HIPK3: variants seen among roughly 807,000 people sequenced by gnomAD.
HIPK3 encodes homeodomain-interacting protein kinase 3.
HIPK3 carries 47 observed loss-of-function variants against 124.2 expected under a neutral mutation model. The ratio of observed to expected loss-of-function variants is 0.38; its 90% CI spans 0.30 to 0.48. The LOEUF is 0.48. HIPK3 is among the 20% of genes least tolerant of loss of function. HIPK3 has a pLI of 0.98. For missense variants in HIPK3, 1,286 were observed against 1,454.3 expected, an observed-to-expected ratio of 0.88 and a Z score of 1.88; for synonymous variants, 482 against 515.2, an observed-to-expected ratio of 0.94 and a Z score of 0.87.
intron 1 of HIPK3, among the ~76,000 whole-genome samples, chr11:33,285,958 G>A (rs1157684403): frequency 1.3e-5 from 2 of 152,038 alleles, no homozygotes; most frequent in East Asian, 3.9e-4. Context: ...TATTAGTAGA[G>A]TTGGGATTTC....
chr11:33,277,091 T>C (rs114959103), intron 1 of HIPK3, among the ~76,000 whole-genome samples: 1 of 152,334 alleles, frequency 6.6e-6, no homozygotes, highest in Non-Finnish European at 1.5e-5. Flanking sequence ...TATTTAAAAA[T>C]TAATGTAAAC....
chr11:33,348,961 G>A (rs1853579790), intron 13 of HIPK3, 143 bp downstream of exon 13: 2 of 917,602 alleles, frequency 2.2e-6, no homozygotes, highest in African/African-American at 3.3e-5. Context: ...TCTAGACAGG[G>A]AACTTTCTAA....
rs191552181 is a variant in HIPK3 at position 33,281,365 on chromosome 11, T to G, written c.-2-5048T>G. Reference sequence around the variant, plus strand: ...AACTCCAATATACCCATCATCAGGCTTCTGTAAATAACAGTTTATGACTCA... The same window carrying G: ...AACTCCAATATACCCATCATCAGGCGTCTGTAAATAACAGTTTATGACTCA... On this transcript the variant is annotated intron_variant, in intron 1 of 16. Transcript: ENST00000303296. 1.9e-4 allele frequency among the ~76,000 whole-genome samples: 29 copies of G among 152,328 alleles called. No individual in the cohort carries two copies. In the East Asian group the frequency reaches 5.6e-3, roughly 29 times the overall value.
At position 33,328,985 on chromosome 11, in the gene HIPK3, C is replaced by G. The variant is rs186884310; in HGVS notation, c.1221+352C>G. Among the ~76,000 whole-genome samples the G allele has an allele frequency of 3.8e-4, 58 of 152,206 alleles. 1 individual carries two copies. The East Asian group carries it at 7.7e-3, about 20-fold the overall frequency. ...CAGCCCCTCCCAAGGCATAAAAGCT[C>G]CTAAAAGGCGTTATAACTTTTGGTC... On this transcript the variant is annotated intron_variant, in intron 3 of 16. Transcript: ENST00000303296.
Position 33,257,389 on chromosome 11 carries a change from C to G in HIPK3, c.-503C>G. 1.0e-6 allele frequency: 1 copy of G among 985,088 alleles called. No homozygotes were observed. Among genetic ancestry groups the G allele is most frequent in the Non-Finnish European group, 1.2e-6 (1 of 829,780 alleles). The allele number at this position is 985,088 out of a possible 1,614,324, so 61.0% of individuals were successfully genotyped here. Reference sequence around the variant, plus strand: ...CCGAGGCTGGGGCGGCTGGTGGCAGCTGCCTCAGTGACGACTGCCGGCATC... The same window carrying G: ...CCGAGGCTGGGGCGGCTGGTGGCAGGTGCCTCAGTGACGACTGCCGGCATC... On this transcript the variant is annotated 5_prime_UTR_variant, in exon 1 of 17. Coordinates refer to ENST00000303296, the MANE Select transcript of HIPK3 (RefSeq NM_005734.5).
chr11:33,257,325 G>A (rs1850690797), upstream of HIPK3: 4 of 983,904 alleles, frequency 4.1e-6, no homozygotes, highest in South Asian at 1.4e-4. Context: ...GTGGCGCTGC[G>A]GAGGCGGTGG....
chr11:33,304,960 C>G (rs1852111856), intron 2 of HIPK3, among the ~76,000 whole-genome samples: 1 of 152,202 alleles, frequency 6.6e-6, no homozygotes, highest in Non-Finnish European at 1.5e-5. Context: ...TATTTCTGGT[C>G]TTTCACATTA....
chr11:33,313,455 A>T (rs764221672), intron 2 of HIPK3, among the ~76,000 whole-genome samples: 12 of 152,218 alleles, frequency 7.9e-5, no homozygotes, highest in Non-Finnish European at 1.6e-4. Flanking sequence ...ATTTAGAAGT[A>T]AAGGGGTACA....
At chr11:33,318,225 A>AT (rs1000187429) in intron 2 of HIPK3, among the ~76,000 whole-genome samples, 7 of 151,826 alleles carry the variant, frequency 4.6e-5, no homozygotes, top group African/African-American at 9.7e-5. Context: ...TTTTTCTTAA[A>AT]TTTTTTTTAT....
chr11:33,284,714 C>T (rs1851502966), intron 1 of HIPK3, among the ~76,000 whole-genome samples: 1 of 152,186 alleles, frequency 6.6e-6, no homozygotes, highest in South Asian at 2.1e-4. Flanking sequence ...CTGTATCTGG[C>T]TTCTCAGCTT....
intron 1 of HIPK3, among the ~76,000 whole-genome samples, chr11:33,271,215 T>C (rs184019519): frequency 4.6e-5 from 7 of 152,338 alleles, no homozygotes; most frequent in African/African-American, 1.7e-4. Flanking sequence ...TATTTCATCA[T>C]GTATAGTGAA....
intron 1 of HIPK3, among the ~76,000 whole-genome samples, chr11:33,273,533 A>G (rs1039903326): frequency 2.0e-5 from 3 of 150,984 alleles, no homozygotes; most frequent in African/African-American, 7.3e-5. Context: ...AAAAAAAAAA[A>G]AAAAAGAAGA....
chr11:33,327,942 A>C (rs540958849), intron 2 of HIPK3, among the ~76,000 whole-genome samples: 42 of 152,292 alleles, frequency 2.8e-4, no homozygotes, highest in African/African-American at 9.6e-4. Context: ...CTTTTTAACT[A>C]TGTTGTTATA....
intron 2 of HIPK3, among the ~76,000 whole-genome samples, chr11:33,299,636 TCTC>T (rs1198263833): frequency 6.6e-6 from 1 of 152,136 alleles, no homozygotes; most frequent in Non-Finnish European, 1.5e-5. Flanking sequence ...TGAAAGAAGT[TCTC>T]CTGTGGGTAA....
intron 1 of HIPK3, among the ~76,000 whole-genome samples, chr11:33,272,742 G>T (rs577301463): frequency 1.0e-3 from 44 of 43,688 alleles, no homozygotes; most frequent in African/African-American, 3.6e-3. Context: ...GTGCAATCTC[G>T]GCCTTTCCTC....
At chr11:33,332,056 G>A (rs760192795) in intron 3 of HIPK3, among the ~76,000 whole-genome samples, 2 of 152,106 alleles carry the variant, frequency 1.3e-5, no homozygotes, top group Non-Finnish European at 1.5e-5. Context: ...ACCGCGCCTG[G>A]CCAAATTATT....
chr11:33,339,653 T>C, intron 6 of HIPK3, 119 bp downstream of exon 6: 1 of 715,702 alleles, frequency 1.4e-6, no homozygotes, highest in Non-Finnish European at 2.3e-6. Flanking sequence ...CAAAAGAGGC[T>C]AAGCTAACTT....
intron 2 of HIPK3, among the ~76,000 whole-genome samples, chr11:33,319,255 G>A (rs112245799): frequency 0.052 from 7,923 of 152,204 alleles, 320 homozygotes; most frequent in Admixed American, 0.11. Flanking sequence ...CCAGCACTTC[G>A]GGAGACCGAG....
rs189952965 is a variant in HIPK3, at chr11:33,309,269, C to T, written c.1098-19241C>T. Among the ~76,000 whole-genome samples the T allele has an allele frequency of 7.1e-3, 1,078 of 152,218 alleles. 12 individuals are homozygous for T. Among genetic ancestry groups the T allele is most frequent in the African/African-American group, 0.024 (997 of 41,552 alleles). Reference sequence around the variant, plus strand: ...GCAAATGGAGGATTAGAACTTGCTCCCTTCTTCCCTCCTTCCCTCCTTTTT... The same window carrying T: ...GCAAATGGAGGATTAGAACTTGCTCTCTTCTTCCCTCCTTCCCTCCTTTTT... On this transcript the variant is annotated intron_variant, in intron 2 of 16. Transcript: ENST00000303296.
Sources: gnomAD v4.1 joint callset for allele counts (sites outside exome capture counted in the v4.1 genomes callset) on GRCh38, gnomAD v4.1.1 for gene constraint, MANE v1.5 for transcripts, NCBI Gene and HGNC (gene_info 2026-07-23, HGNC 2026-07-21) for gene names.